Variants in INPP4B observed in about 807,000 individuals in gnomAD.
INPP4B encodes inositol polyphosphate 4-phosphatase type II.
Under a neutral mutation model 122.5 loss-of-function variants are expected in INPP4B, and 55 were observed. The observed-to-expected ratio is 0.45, with a 90% CI of 0.36 to 0.56. The LOEUF is 0.56. Among genes scored for constraint, INPP4B ranks in the 20% least tolerant of loss-of-function variants. The pLI is 0.00. For synonymous variants in INPP4B, 403 were observed against 388.7 expected (o/e 1.04, Z -0.43); for missense variants, 1,000 against 1,097.7 (o/e 0.91, Z 1.26).
intron 1 of INPP4B, among the ~76,000 whole-genome samples, chr4:142,830,108 T>C (rs1781941951): frequency 6.6e-6 from 1 of 152,110 alleles, no homozygotes. Flanking sequence ...ATCATCAACA[T>C]TACAAGAGGT....
chr4:142,396,323 CAA>C (rs1485306156), intron 7 of INPP4B, among the ~76,000 whole-genome samples: 3 of 151,532 alleles, frequency 2.0e-5, no homozygotes, highest in African/African-American at 7.3e-5. Flanking sequence ...TCATTTTTTC[CAA>C]AAAGAGTCAG....
At chr4:142,246,107 C>CAT (rs1482743999) in intron 11 of INPP4B, among the ~76,000 whole-genome samples, 192 of 145,790 alleles carry the variant, frequency 1.3e-3, no homozygotes, top group Admixed American at 3.8e-3. Context: ...TGTATACACA[C>CAT]ATATATATAT....
chr4:142,545,701 A>G (rs13101269), intron 2 of INPP4B, among the ~76,000 whole-genome samples: 52,528 of 109,392 alleles, frequency 0.48, 18,485 homozygotes, highest in Non-Finnish European at 0.59. Flanking sequence ...ATATATGTGT[A>G]TATATATGTG....
At chr4:142,264,189 A>C (rs1196268529) in intron 10 of INPP4B, among the ~76,000 whole-genome samples, 2 of 152,184 alleles carry the variant, frequency 1.3e-5, no homozygotes, top group Non-Finnish European at 2.9e-5. Context: ...GTGGCAGATC[A>C]GGGAGAGAAA....
intron 14 of INPP4B, among the ~76,000 whole-genome samples, chr4:142,205,821 G>A (rs1842379654): frequency 6.6e-6 from 1 of 151,998 alleles, no homozygotes; most frequent in Admixed American, 6.6e-5. Flanking sequence ...TAGTTCTTAA[G>A]TATTTTAGCT....
chr4:142,045,215 C>T (rs2152355312), intron 25 of INPP4B, among the ~76,000 whole-genome samples: 1 of 152,172 alleles, frequency 6.6e-6, no homozygotes, highest in East Asian at 1.9e-4. Context: ...GAACTGATCC[C>T]TTCTTCACAT....
At chr4:142,402,612 A>C (rs1802004467) in intron 7 of INPP4B, among the ~76,000 whole-genome samples, 1 of 152,172 alleles carries the variant, frequency 6.6e-6, no homozygotes, top group Non-Finnish European at 1.5e-5. Flanking sequence ...CTATCAAGAA[A>C]GTTTTAAATA....
At chr4:142,461,806 A>AAC (rs3076617) in intron 3 of INPP4B, among the ~76,000 whole-genome samples, 2,818 of 150,784 alleles carry the variant, frequency 0.019, 77 homozygotes, top group African/African-American at 0.06. Flanking sequence ...TAAAAGTACA[A>AAC]ACACACACAC....
chr4:142,816,745 C>T (rs565860454), intron 1 of INPP4B, among the ~76,000 whole-genome samples: 6 of 152,018 alleles, frequency 3.9e-5, no homozygotes, highest in African/African-American at 7.2e-5. Flanking sequence ...CTTAGGTACC[C>T]GTTATTTTTT....
chr4:142,621,989 A>T (rs1303789378), intron 2 of INPP4B, among the ~76,000 whole-genome samples: 1 of 151,970 alleles, frequency 6.6e-6, no homozygotes, highest in African/African-American at 2.4e-5. Flanking sequence ...AATGAAGGTT[A>T]TACAGTAAGT....
intron 3 of INPP4B, among the ~76,000 whole-genome samples, chr4:142,449,078 A>T (rs1040616200): frequency 6.6e-6 from 1 of 152,290 alleles, no homozygotes; most frequent in East Asian, 1.9e-4. Context: ...TTTTGCTAGC[A>T]ATATTAAATT....
intron 18 of INPP4B, among the ~76,000 whole-genome samples, chr4:142,138,027 C>A (rs1019570747): frequency 1.3e-5 from 2 of 152,052 alleles, no homozygotes; most frequent in Non-Finnish European, 2.9e-5. Context: ...CCAGCCATCC[C>A]ATTACTGGGT....
intron 2 of INPP4B, among the ~76,000 whole-genome samples, chr4:142,695,394 A>C (rs1341846992): frequency 6.6e-6 from 1 of 152,188 alleles, no homozygotes; most frequent in African/African-American, 2.4e-5. Context: ...TTCCCTAAAA[A>C]TAAAAATTTT....
intron 2 of INPP4B, among the ~76,000 whole-genome samples, chr4:142,627,034 T>A (rs1225287542): frequency 6.6e-6 from 1 of 152,058 alleles, no homozygotes; most frequent in East Asian, 1.9e-4. Context: ...CTGAAGTTTT[T>A]GATACATAGT....
At chr4:142,557,170 G>A (rs1036694539) in intron 2 of INPP4B, among the ~76,000 whole-genome samples, 7 of 152,198 alleles carry the variant, frequency 4.6e-5, no homozygotes, top group Non-Finnish European at 1.0e-4. Flanking sequence ...GGAGAAGGAA[G>A]GCCGGCAGTT....
At chr4:142,642,943 T>G (rs995882722) in intron 2 of INPP4B, among the ~76,000 whole-genome samples, 3 of 152,236 alleles carry the variant, frequency 2.0e-5, no homozygotes, top group African/African-American at 2.4e-5. Flanking sequence ...TTTTATTTCA[T>G]GGAGCAGTGG....
chr4:142,366,891 G>T (rs1375949856), intron 7 of INPP4B, among the ~76,000 whole-genome samples: 1 of 152,134 alleles, frequency 6.6e-6, no homozygotes, highest in Non-Finnish European at 1.5e-5. Flanking sequence ...AACTCAAAAT[G>T]GTTTAGCTGA....
At chr4:142,719,619 C>T (rs1353146202) in intron 2 of INPP4B, among the ~76,000 whole-genome samples, 1 of 152,078 alleles carries the variant, frequency 6.6e-6, no homozygotes, top group Non-Finnish European at 1.5e-5. Flanking sequence ...CCATTGAACC[C>T]AGCCTATAAT....
At chr4:142,497,569 G>A (rs1056376474) in intron 2 of INPP4B, among the ~76,000 whole-genome samples, 8 of 152,052 alleles carry the variant, frequency 5.3e-5, no homozygotes, top group Non-Finnish European at 1.0e-4. Flanking sequence ...GCTTTATTGG[G>A]GAAACACAGG....
Sources: allele counts gnomAD v4.1 joint callset (sites outside exome capture counted in the v4.1 genomes callset), GRCh38; gene constraint gnomAD v4.1.1; transcripts MANE v1.5; gene names NCBI Gene and HGNC (gene_info 2026-07-23, HGNC 2026-07-21).